Variants in DYNC2H1 observed in about 807,000 individuals in gnomAD.
The protein encoded by DYNC2H1 is cytoplasmic dynein 2 heavy chain 1.
DYNC2H1 carries 410 observed loss-of-function variants against 570.0 expected under a neutral mutation model. The observed-to-expected ratio is 0.72, with a 90% CI of 0.66 to 0.78. The LOEUF is 0.78. Among genes scored for constraint, DYNC2H1 ranks in the 30% least tolerant of loss-of-function variants. The probability of loss-of-function intolerance (pLI) is 0.00; values close to 1 mark genes in which losing one functional copy is unlikely to be tolerated. For synonymous variants in DYNC2H1, 1,688 were observed against 1,677.6 expected (o/e 1.01, Z -0.15); for missense variants, 4,865 against 5,046.4 (o/e 0.96, Z 1.09).
Position 103,145,969 on chromosome 11 carries a change from A to T in DYNC2H1, c.2703-1803A>T, listed in dbSNP as rs1187056439. 6.6e-6 allele frequency among the ~76,000 whole-genome samples: 1 copy of T among 152,210 alleles called. No individual in the cohort carries two copies. The highest frequency in any genetic ancestry group is 1.5e-5 in the Non-Finnish European group (1 of 68,022). On this transcript the variant is annotated intron_variant, in intron 18 of 88. Coordinates refer to ENST00000375735, the MANE Select transcript of DYNC2H1 (RefSeq NM_001377.3). The surrounding 1 kb of genome is among the most constrained non-coding windows in gnomAD (Gnocchi z 4.2). ...TGTTAATTCATTAGCAAAATACAGT[A>T]TAATATAACCTTTTAGGTTTACCAA...
Position 103,177,924 on chromosome 11 carries a change from GT to G in DYNC2H1, c.6139+105del. ...GTCAAGACTTCTACATGACCATAAA[GT>G]CATAATTAAGTTAAAATGATGTACA... On this transcript the variant is annotated intron_variant, in intron 38 of 88. Coordinates refer to ENST00000375735, the MANE Select transcript of DYNC2H1 (RefSeq NM_001377.3). This position sits in a 1 kb window ranked among gnomAD's most constrained non-coding sequence, Gnocchi z 4.4. The G allele has an allele frequency of 9.3e-6, 12 of 1,288,048 alleles. No individual in the cohort carries two copies. Among genetic ancestry groups the G allele is most frequent in the Non-Finnish European group, 1.2e-5 (12 of 967,112 alleles). 79.8% of individuals were successfully genotyped at this position (1,288,048 alleles called of 1,614,324 possible).
intron 39 of DYNC2H1, among the ~76,000 whole-genome samples, chr11:103,180,836 T>C (rs988430689): frequency 5.9e-5 from 9 of 151,706 alleles, no homozygotes; most frequent in Non-Finnish European, 1.2e-4. Context: ...GCTAATCTAA[T>C]GTTATATAAT....
Position 103,154,529 on chromosome 11 carries a change from T to G in DYNC2H1, c.3381T>G (p.Cys1127Trp). 1 of 1,586,350 alleles carries G rather than the reference T, an allele frequency of 6.3e-7. No individual in the cohort carries two copies. ...ASSISKDIES[C>W]AQIWAFYEEF... Reference sequence around the variant, plus strand: ...GTATCTCTAAAGATATCGAGAGCTGTGCCCAAATTTGGGCCTTTTATGAAG... The same window carrying G: ...GTATCTCTAAAGATATCGAGAGCTGGGCCCAAATTTGGGCCTTTTATGAAG... The change falls in exon 23 of 89, where the codon TGT becomes TGG. Residue 1127 changes from cysteine to tryptophan, a missense_variant. Cys to Trp is a radical substitution (Grantham distance 215). Around this residue, in one of 5 missense-constraint regions of DYNC2H1, gnomAD observed 1,936 missense variants for 1,962.1 expected, o/e 0.99. Transcript: ENST00000375735.
At chr11:103,142,649 G>A (rs547448704) in intron 17 of DYNC2H1, among the ~76,000 whole-genome samples, 6 of 152,066 alleles carry the variant, frequency 3.9e-5, no homozygotes, top group African/African-American at 1.4e-4. Context: ...AGGCTGGGTG[G>A]CAGAGCGAGA....
rs769412735 is a variant in DYNC2H1, at chr11:103,158,766, A to G, written c.4217A>G (p.Asp1406Gly). 7.3e-6 allele frequency: 11 copies of G among 1,506,882 alleles called. No individual in the cohort carries two copies. The highest frequency in any genetic ancestry group is 4.1e-5 in the Admixed American group (2 of 48,628). The allele number at this position is 1,506,882 out of a possible 1,614,324, so 93.3% of individuals were successfully genotyped here. A position where few individuals can be genotyped will look rare whatever the true frequency, so the allele number is the denominator to read the frequency against. ...AGAAATTCTCTACTAACAATACTTG[A>G]TCAGCTTCAAAGATGTCAGAAATCA... ...GIRNSLLTILDQLQRCQKSLN... is the reference protein window; with the variant it reads ...GIRNSLLTILGQLQRCQKSLN... The change falls in exon 27 of 89, where the codon GAT becomes GGT. Residue 1406 changes from aspartate (D) to glycine (G), a missense_variant. Asp to Gly is a moderately conservative substitution (Grantham distance 94). Coordinates refer to ENST00000375735, the MANE Select transcript of DYNC2H1 (RefSeq NM_001377.3).
chr11:103,403,465 G>A (rs370531383), intron 84 of DYNC2H1: 29 of 150,322 alleles, frequency 1.9e-4, no homozygotes, highest in Middle Eastern at 3.4e-3. Context: ...TAACTTAAAA[G>A]GTTAAAGCTA....
chr11:103,215,070 T>C (rs1863327525), intron 54 of DYNC2H1, among the ~76,000 whole-genome samples: 2 of 152,172 alleles, frequency 1.3e-5, no homozygotes, highest in Non-Finnish European at 2.9e-5. Flanking sequence ...TAGGTTTTTC[T>C]AGATATAAAA....
intron 65 of DYNC2H1, among the ~76,000 whole-genome samples, chr11:103,253,015 T>C (rs758820216): frequency 6.6e-6 from 1 of 152,190 alleles, no homozygotes; most frequent in Non-Finnish European, 1.5e-5. Context: ...ATGAAACATA[T>C]TAATGTTAAA....
At position 103,220,258 on chromosome 11, in the gene DYNC2H1, T is replaced by C. The variant is rs683608; in HGVS notation, c.8946+230T>C. On this transcript the variant is annotated intron_variant, in intron 56 of 88. Transcript: ENST00000375735. ...TTGTTTTCCAAGAGCCATATGGTTT[T>C]GATTGCAGAGGGAAAAAATGTGTTA... 0.3 allele frequency among the ~76,000 whole-genome samples: 45,814 copies of C among 152,156 alleles called. 8,209 individuals are homozygous for C. Among genetic ancestry groups the C allele is most frequent in the Admixed American group, 0.46 (7,068 of 15,290 alleles).
chr11:103,130,860 A>G (rs1294097407), intron 13 of DYNC2H1, among the ~76,000 whole-genome samples: 1 of 152,216 alleles, frequency 6.6e-6, no homozygotes, highest in African/African-American at 2.4e-5. Flanking sequence ...GTTAAAGGAG[A>G]CATAGTAGTG....
At chr11:103,370,138 A>G (rs1293136335) in intron 83 of DYNC2H1, among the ~76,000 whole-genome samples, 3 of 152,208 alleles carry the variant, frequency 2.0e-5, no homozygotes, top group Non-Finnish European at 4.4e-5. Context: ...AAGTGGACTG[A>G]AGAACCTTTG....
In DYNC2H1 at chr11:103,157,812, G is replaced by C. The variant is rs6591004; in HGVS notation, c.4128-865G>C. On this transcript the variant is annotated intron_variant, in intron 26 of 88. Transcript: ENST00000375735. This position sits in a 1 kb window ranked among gnomAD's most constrained non-coding sequence, Gnocchi z 4.2. ...TCCCATTGTGCTAGGGATAAAGCAT[G>C]ATCTGCTCCTTGTTCATTTCTCTAT... is the stretch of plus-strand genomic sequence containing the variant. 0.022 allele frequency among the ~76,000 whole-genome samples: 3,372 copies of C among 152,222 alleles called. 96 individuals carry two copies. Among genetic ancestry groups the C allele is most frequent in the African/African-American group, 0.063 (2,629 of 41,522 alleles).
Position 103,156,711 on chromosome 11 carries a change from C to T in DYNC2H1, c.4068C>T (p.Phe1356=), listed in dbSNP as rs74713170. The T allele has an allele frequency of 3.3e-3, 5,279 of 1,613,274 alleles. 137 individuals carry two copies. In the African/African-American group the frequency reaches 0.058, roughly 18 times the overall value. Residue 1356 remains phenylalanine (F), a synonymous_variant, in exon 26 of 89, where the codon TTC becomes TTT. Coordinates refer to ENST00000375735, the MANE Select transcript of DYNC2H1 (RefSeq NM_001377.3). ...QRKWVYLEPI[F]GRGALPKEQT... is the part of the protein sequence containing the mutation. The stretch of plus-strand genomic sequence containing the variant: ...AGTGGGTGTATTTGGAACCCATTTT[C>T]GGCCGTGGAGCATTGCCAAAAGAAC...
At chr11:103,270,494 A>G (rs1018533534) in intron 70 of DYNC2H1, among the ~76,000 whole-genome samples, 8 of 152,196 alleles carry the variant, frequency 5.3e-5, no homozygotes, top group African/African-American at 1.7e-4. Context: ...CAATTGTAAC[A>G]ATAGTGAAAT....
At chr11:103,337,504 GTA>G (rs1170218056) in intron 82 of DYNC2H1, among the ~76,000 whole-genome samples, 1 of 152,108 alleles carries the variant, frequency 6.6e-6, no homozygotes, top group Non-Finnish European at 1.5e-5. Context: ...TTCTAACTGT[GTA>G]TGAATATTCT....
chr11:103,119,582 C>T (rs527673375), intron 6 of DYNC2H1, among the ~76,000 whole-genome samples: 3 of 152,260 alleles, frequency 2.0e-5, no homozygotes, highest in East Asian at 1.9e-4. Context: ...TCAGGTCATC[C>T]GCCCACCTCG....
chr11:103,406,530 T>C (rs1048836964), intron 84 of DYNC2H1: 2 of 151,928 alleles, frequency 1.3e-5, no homozygotes, highest in African/African-American at 4.8e-5. Flanking sequence ...GGATTATAGG[T>C]GTTAACCATG....
At chr11:103,349,781 G>C (rs377186804) in intron 82 of DYNC2H1, among the ~76,000 whole-genome samples, 8 of 152,058 alleles carry the variant, frequency 5.3e-5, no homozygotes, top group African/African-American at 1.9e-4. Context: ...GAAAAATGAT[G>C]ATGTGAGTTC....
At chr11:103,422,493 G>T (rs1184801715) in intron 84 of DYNC2H1, among the ~76,000 whole-genome samples, 1 of 152,084 alleles carries the variant, frequency 6.6e-6, no homozygotes, top group East Asian at 1.9e-4. Flanking sequence ...TATCCACCGT[G>T]ATCAAGTTGG....
Sources: allele counts gnomAD v4.1 joint callset (sites outside exome capture counted in the v4.1 genomes callset), GRCh38; gene constraint gnomAD v4.1.1; regional missense constraint gnomAD v4.1.1; non-coding constraint Gnocchi (gnomAD v3.1); transcripts MANE v1.5; gene names NCBI Gene and HGNC (gene_info 2026-07-23, HGNC 2026-07-21).